Variants in PCMTD1 observed in about 807,000 individuals in gnomAD.
PCMTD1 encodes the protein protein-L-isoaspartate O-methyltransferase domain-containing protein 1.
A neutral mutation model predicts 37.6 loss-of-function variants in PCMTD1; 12 were observed. The ratio of observed to expected loss-of-function variants is 0.32; its 90% CI spans 0.20 to 0.52. The LOEUF is 0.52. Ranked by LOEUF, PCMTD1 falls within the 20% of genes least tolerant of loss-of-function variation. The pLI, the probability that PCMTD1 is intolerant of heterozygous loss-of-function variation, is 0.97. For synonymous variants in PCMTD1, 117 were observed against 135.8 expected (o/e 0.86, Z 0.96); for missense variants, 235 against 421.3 (o/e 0.56, Z 3.87).
chr8:51,834,021 A>T (rs1486746936), intron 3 of PCMTD1, among the ~76,000 whole-genome samples: 1 of 152,168 alleles, frequency 6.6e-6, no homozygotes, highest in Non-Finnish European at 1.5e-5. Flanking sequence ...TAACAATGAG[A>T]ATCATAAGGA....
chr8:51,818,031 A>G lies in PCMTD1; in HGVS notation c.*2320T>C. On this transcript the variant is annotated 3_prime_UTR_variant, in exon 6 of 6. Transcript: ENST00000522514. ...TTTCACTTACTTTTACTTAATCTTTATTTGCTACTTTTCCACCTATAAAGC... is the reference window on the plus strand; with the variant it reads ...TTTCACTTACTTTTACTTAATCTTTGTTTGCTACTTTTCCACCTATAAAGC... The G allele has an allele frequency of 2.3e-6, 1 of 440,224 alleles. No individual in the cohort carries two copies. Among genetic ancestry groups the G allele is most frequent in the Non-Finnish European group, 4.6e-6 (1 of 218,282 alleles). 27.3% of individuals were successfully genotyped at this position (440,224 alleles called of 1,614,324 possible). A position where few individuals can be genotyped will look rare whatever the true frequency, so the allele number is the denominator to read the frequency against.
chr8:51,850,210 A>G (rs184376374), intron 2 of PCMTD1: 1 of 606,860 alleles, frequency 1.6e-6, no homozygotes, highest in Admixed American at 3.1e-5. Context: ...GTATAATAGT[A>G]GTCCCTGGGA....
intron 1 of PCMTD1, among the ~76,000 whole-genome samples, chr8:51,897,983 T>C (rs7460311): frequency 0.69 from 104,334 of 151,822 alleles, 42,316 homozygotes; most frequent in Non-Finnish European, 0.9. Context: ...ACTTGGAGAC[T>C]GGCTACCCTG....
intron 2 of PCMTD1, among the ~76,000 whole-genome samples, chr8:51,859,968 C>T (rs990275817): frequency 6.6e-6 from 1 of 152,140 alleles, no homozygotes; most frequent in Non-Finnish European, 1.5e-5. Flanking sequence ...CACACAGTAG[C>T]GGCCAGTGAA....
chr8:51,829,578 A>AC, intron 5 of PCMTD1, among the ~76,000 whole-genome samples: 1 of 152,166 alleles, frequency 6.6e-6, no homozygotes, highest in African/African-American at 2.4e-5. Flanking sequence ...GGGTCTGCCT[A>AC]ATGTAAGGGT....
chr8:51,873,559 C>T (rs2038667446), intron 1 of PCMTD1, among the ~76,000 whole-genome samples: 1 of 152,130 alleles, frequency 6.6e-6, no homozygotes, highest in Non-Finnish European at 1.5e-5. Flanking sequence ...AATATTGTCA[C>T]ATCCCAAATC....
At chr8:51,843,567 A>G (rs1479196143) in intron 3 of PCMTD1, among the ~76,000 whole-genome samples, 1 of 150,908 alleles carries the variant, frequency 6.6e-6, no homozygotes, top group East Asian at 1.9e-4. Flanking sequence ...AAAGAAACAT[A>G]AGCCAGGGAA....
intron 1 of PCMTD1, among the ~76,000 whole-genome samples, chr8:51,894,113 T>C (rs1486959610): frequency 6.6e-6 from 1 of 152,114 alleles, no homozygotes; most frequent in Non-Finnish European, 1.5e-5. Flanking sequence ...TCTAGGGAAA[T>C]ACGGTGTACG....
intron 1 of PCMTD1, among the ~76,000 whole-genome samples, chr8:51,887,302 A>C (rs1434060762): frequency 6.6e-6 from 1 of 152,174 alleles, no homozygotes; most frequent in Non-Finnish European, 1.5e-5. Flanking sequence ...TCTTCAGGGT[A>C]ATGCTGTTCC....
intron 2 of PCMTD1, among the ~76,000 whole-genome samples, chr8:51,847,482 T>G (rs1311170067): frequency 6.6e-6 from 1 of 151,714 alleles, no homozygotes; most frequent in Non-Finnish European, 1.5e-5. Flanking sequence ...CAAAAATTAG[T>G]CAGGTGTGGT....
intron 5 of PCMTD1, among the ~76,000 whole-genome samples, chr8:51,825,167 T>C (rs1426348206): frequency 6.6e-6 from 1 of 152,082 alleles, no homozygotes; most frequent in Non-Finnish European, 1.5e-5. Context: ...CCAAAAGCAA[T>C]GGCAACAAAA....
intron 3 of PCMTD1, among the ~76,000 whole-genome samples, chr8:51,834,009 C>T (rs903971244): frequency 6.6e-6 from 1 of 152,046 alleles, no homozygotes; most frequent in Non-Finnish European, 1.5e-5. Flanking sequence ...CCCAAAATAA[C>T]ATAACAATGA....
In PCMTD1 at chr8:51,819,164, A is replaced by G. The variant is rs532314405; in HGVS notation, c.*1187T>C. 6.6e-6 allele frequency: 1 copy of G among 152,324 alleles called. No individual in the cohort carries two copies. The highest frequency in any genetic ancestry group is 2.1e-4 in the South Asian group (1 of 4,828). 9.4% of individuals were successfully genotyped at this position (152,324 alleles called of 1,614,324 possible). On this transcript the variant is annotated 3_prime_UTR_variant, in exon 6 of 6. Transcript: ENST00000522514. Reference sequence around the variant, plus strand: ...TATTAAGTAAAAAATGAAAACCATTATAGTTTTACCAAAAGAAACACAAAA... The same window carrying G: ...TATTAAGTAAAAAATGAAAACCATTGTAGTTTTACCAAAAGAAACACAAAA...
intron 5 of PCMTD1, chr8:51,826,850 C>T (rs961989682): frequency 1.2e-6 from 1 of 822,832 alleles, no homozygotes; most frequent in African/African-American, 1.8e-5. Flanking sequence ...TCCTCAACCC[C>T]AAACAAAAAA....
intron 3 of PCMTD1, among the ~76,000 whole-genome samples, chr8:51,835,913 T>A (rs1313439975): frequency 6.6e-6 from 1 of 152,204 alleles, no homozygotes; most frequent in Non-Finnish European, 1.5e-5. Context: ...ATTTAGTGTG[T>A]GATTCTAAAA....
chr8:51,871,000 T>A (rs1563356063), intron 1 of PCMTD1, among the ~76,000 whole-genome samples: 1 of 152,180 alleles, frequency 6.6e-6, no homozygotes, highest in Non-Finnish European at 1.5e-5. Flanking sequence ...AAATTTGTGA[T>A]GATTAAATAG....
intron 3 of PCMTD1, among the ~76,000 whole-genome samples, chr8:51,844,229 C>T (rs552688925): frequency 1.3e-4 from 20 of 152,200 alleles, no homozygotes; most frequent in African/African-American, 4.6e-4. Flanking sequence ...GCCAAACGTG[C>T]TTTTCTTGGA....
chr8:51,838,767 A>C (rs2038103065), intron 3 of PCMTD1, among the ~76,000 whole-genome samples: 1 of 152,230 alleles, frequency 6.6e-6, no homozygotes, highest in African/African-American at 2.4e-5. Flanking sequence ...ATTTCTGTAT[A>C]ATCTCTAAGA....
chr8:51,883,701 T>C (rs1162741696), intron 1 of PCMTD1, among the ~76,000 whole-genome samples: 1 of 152,152 alleles, frequency 6.6e-6, no homozygotes, highest in Non-Finnish European at 1.5e-5. Flanking sequence ...TAGGCTAGCA[T>C]AAGGTTACAA....
Sources: allele counts gnomAD v4.1 joint callset (sites outside exome capture counted in the v4.1 genomes callset), GRCh38; gene constraint gnomAD v4.1.1; transcripts MANE v1.5; gene names NCBI Gene and HGNC (gene_info 2026-07-23, HGNC 2026-07-21).